ABAT: variants seen among roughly 807,000 people sequenced by gnomAD.
The protein encoded by ABAT is 4-aminobutyrate aminotransferase, also known as 4-aminobutyrate aminotransferase, mitochondrial.
In ABAT, 45 loss-of-function variants were observed where a neutral mutation model predicts 64.6. The observed-to-expected ratio is 0.70, with a 90% confidence interval of 0.55 to 0.89. The LOEUF (loss-of-function observed/expected upper bound fraction) is 0.89. ABAT is among the 40% of genes least tolerant of loss of function. ABAT has a pLI of 0.00. For missense variants in ABAT, 633 were observed against 658.4 expected, an observed-to-expected ratio of 0.96 and a Z score of 0.42; for synonymous variants, 297 against 250.5, an observed-to-expected ratio of 1.19 and a Z score of -1.75.
At chr16:8,689,934 G>A (rs2057542233) in intron 1 of ABAT, among the ~76,000 whole-genome samples, 1 of 152,138 alleles carries the variant, frequency 6.6e-6, no homozygotes, top group Non-Finnish European at 1.5e-5. Context: ...TCAACAGCTG[G>A]TTTTTATACC....
intron 1 of ABAT, among the ~76,000 whole-genome samples, chr16:8,705,759 C>T (rs1301118753): frequency 6.6e-6 from 1 of 152,046 alleles, no homozygotes; most frequent in Non-Finnish European, 1.5e-5. Context: ...TCAAAGAGAG[C>T]AGATTGACTC....
At chr16:8,707,561 A>G (rs1158508057) in intron 1 of ABAT, among the ~76,000 whole-genome samples, 1 of 152,014 alleles carries the variant, frequency 6.6e-6, no homozygotes, top group Non-Finnish European at 1.5e-5. Flanking sequence ...CCTCAAGCTG[A>G]TGACCATGTA....
At chr16:8,736,043 C>T in intron 2 of ABAT, 1 of 521,850 alleles carries the variant, frequency 1.9e-6, no homozygotes, top group Non-Finnish European at 3.5e-6. Context: ...GCTGGGGAGG[C>T]CTCACAATCA....
intron 2 of ABAT, among the ~76,000 whole-genome samples, chr16:8,738,700 C>T (rs762441954): frequency 2.7e-5 from 4 of 147,424 alleles, no homozygotes; most frequent in African/African-American, 5.1e-5. Flanking sequence ...GGAGTGGTGC[C>T]GTGGTGCAAT....
chr16:8,683,702 A>G (rs1177451871), intron 1 of ABAT, among the ~76,000 whole-genome samples: 1 of 152,164 alleles, frequency 6.6e-6, no homozygotes, highest in Non-Finnish European at 1.5e-5. Context: ...TGATGCAAGA[A>G]CAAGAACTTA....
intron 1 of ABAT, among the ~76,000 whole-genome samples, chr16:8,691,111 C>T (rs1263380004): frequency 1.3e-5 from 2 of 152,100 alleles, no homozygotes; most frequent in Non-Finnish European, 2.9e-5. Context: ...CGTCAAACCA[C>T]ACTTGCCCAT....
At chr16:8,724,474 G>C (rs1157731925) in intron 1 of ABAT, among the ~76,000 whole-genome samples, 2 of 152,144 alleles carry the variant, frequency 1.3e-5, no homozygotes, top group Admixed American at 6.6e-5. Context: ...GTTCACACCT[G>C]TAATCCCAGC....
rs755959210 is a variant in ABAT, at chr16:8,782,623, G to T, written c.*1193G>T. The T allele has an allele frequency of 1.3e-5, 2 of 152,300 alleles. No individual in the cohort carries two copies. The highest frequency in any genetic ancestry group is 2.9e-5 in the Non-Finnish European group (2 of 68,084). 9.4% of individuals were successfully genotyped at this position (152,300 alleles called of 1,614,324 possible). A position where few individuals can be genotyped will look rare whatever the true frequency, so the allele number is the denominator to read the frequency against. On this transcript the variant is annotated 3_prime_UTR_variant, in exon 16 of 16. Coordinates refer to ENST00000268251, the MANE Select transcript of ABAT (RefSeq NM_020686.6). Reference sequence around the variant, plus strand: ...TTTTCCTGAGATGACTGAGTATGGAGATTACCAGGCAGATGATACCGAAAT... The same window carrying T: ...TTTTCCTGAGATGACTGAGTATGGATATTACCAGGCAGATGATACCGAAAT...
At chr16:8,685,257 G>T (rs897245654) in intron 1 of ABAT, among the ~76,000 whole-genome samples, 5 of 152,116 alleles carry the variant, frequency 3.3e-5, no homozygotes, top group African/African-American at 4.8e-5. Context: ...TTGCACTCCA[G>T]CTTGAGCAAT....
At chr16:8,738,478 C>T (rs2059049681) in intron 2 of ABAT, 1 of 455,688 alleles carries the variant, frequency 2.2e-6, no homozygotes, top group Non-Finnish European at 4.4e-6. Context: ...ATTGATTTGT[C>T]TCATCTTCCA....
chr16:8,715,142 A>G (rs74008012), intron 1 of ABAT: 8,096 of 152,298 alleles, frequency 0.053, 253 homozygotes, highest in South Asian at 0.1. Context: ...TTCATTTTGC[A>G]AGGACATAAA....
Position 8,781,532 on chromosome 16 carries a change from T to C in ABAT, c.*102T>C. On this transcript the variant is annotated 3_prime_UTR_variant, in exon 16 of 16. Transcript: ENST00000268251. This position sits in a 1 kb window ranked among gnomAD's most constrained non-coding sequence, Gnocchi z 4.5. The stretch of plus-strand genomic sequence containing the variant: ...TTCACTTAAAAGTATCAGAGGTGAA[T>C]GCACAGTGAAGGGTGATTTGTGGGG... The C allele has an allele frequency of 7.2e-7, 1 of 1,389,964 alleles. No homozygotes were observed. The highest frequency in any genetic ancestry group is 9.7e-7 in the Non-Finnish European group (1 of 1,030,826). The allele number at this position is 1,389,964 out of a possible 1,614,324, so 86.1% of individuals were successfully genotyped here.
At chr16:8,733,031 C>G (rs534853889) in intron 1 of ABAT, among the ~76,000 whole-genome samples, 3 of 146,424 alleles carry the variant, frequency 2.0e-5, no homozygotes, top group African/African-American at 5.3e-5. Flanking sequence ...GGGGGCTGAT[C>G]CCCCCACCTC....
chr16:8,767,619 G>A (rs983433407), intron 9 of ABAT, among the ~76,000 whole-genome samples: 2 of 152,192 alleles, frequency 1.3e-5, no homozygotes, highest in Non-Finnish European at 1.5e-5. Flanking sequence ...TCCAAACAGT[G>A]CAGCACTGGT....
intron 5 of ABAT, among the ~76,000 whole-genome samples, chr16:8,756,277 G>A (rs1206077856): frequency 1.3e-5 from 2 of 152,150 alleles, no homozygotes; most frequent in African/African-American, 2.4e-5. Context: ...GCCAACATGC[G>A]ATAGAATGGT....
At chr16:8,757,611 C>G (rs1348407547) in intron 5 of ABAT, 146 bp from the exon 6 acceptor site, 2 of 925,988 alleles carry the variant, frequency 2.2e-6, no homozygotes, top group Non-Finnish European at 3.4e-6. Flanking sequence ...CCAGGAATCT[C>G]TTTTTGTCAA....
At chr16:8,754,698 CTTTCTTTCTTTCTTTCTTTCTTTCT>C (rs1567305325) in intron 5 of ABAT, among the ~76,000 whole-genome samples, 9 of 72,182 alleles carry the variant, frequency 1.2e-4, no homozygotes, top group Non-Finnish European at 2.1e-4. Flanking sequence ...TTCTTTCTTT[CTTTCTTTCTTTCTTTCTTTCTTTCT>C]TTTTTTTTTC....
chr16:8,738,004 G>GA lies in ABAT; in HGVS notation c.70+2198dup, dbSNP rs1277102873. Among the ~76,000 whole-genome samples, 2 of 117,814 alleles carry GA rather than the reference G, an allele frequency of 1.7e-5. 1 individual carries two copies. Among genetic ancestry groups the GA allele is most frequent in the African/African-American group, 7.2e-5 (2 of 27,818 alleles). 77.3% of individuals were successfully genotyped at this position (117,814 alleles called of 152,430 possible). On this transcript the variant is annotated intron_variant, in intron 2 of 15. Coordinates refer to ENST00000268251, the MANE Select transcript of ABAT (RefSeq NM_020686.6). ...AGGAAGGAAGGAGGAAAGAAAGAAA[G>GA]AAAGAAAGAAAGGAAAGAAAGAAAG...
At chr16:8,736,929 T>A (rs1567294857) in intron 2 of ABAT, 1 of 152,160 alleles carries the variant, frequency 6.6e-6, no homozygotes, top group Non-Finnish European at 1.5e-5. Flanking sequence ...TGCAGAGATA[T>A]AAAGTGCCTG....
Sources: allele counts gnomAD v4.1 joint callset (sites outside exome capture counted in the v4.1 genomes callset), GRCh38; gene constraint gnomAD v4.1.1; non-coding constraint Gnocchi (gnomAD v3.1); transcripts MANE v1.5; gene names NCBI Gene and HGNC (gene_info 2026-07-23, HGNC 2026-07-21).